The following PAPPA2 variants were observed in gnomAD, a reference collection of about 807,000 sequenced individuals.
PAPPA2 encodes pappalysin-2.
Under a neutral mutation model 176.4 loss-of-function variants are expected in PAPPA2, and 86 were observed. The ratio of observed to expected loss-of-function variants is 0.49; its 90% CI spans 0.41 to 0.58. The LOEUF is 0.58. Among genes scored for constraint, PAPPA2 ranks in the 20% least tolerant of loss-of-function variants. The pLI, the probability that PAPPA2 is intolerant of heterozygous loss-of-function variation, is 0.00. For missense variants in PAPPA2, 2,073 were observed against 2,256.9 expected, an observed-to-expected ratio of 0.92 and a Z score of 1.65; for synonymous variants, 809 against 852.2, an observed-to-expected ratio of 0.95 and a Z score of 0.88.
chr1:176,643,959 G>A (rs1208141892), intron 3 of PAPPA2, among the ~76,000 whole-genome samples: 7 of 151,880 alleles, frequency 4.6e-5, no homozygotes, highest in Non-Finnish European at 1.0e-4. Context: ...GGGACAGCCA[G>A]ATGGTGGGAG....
At chr1:176,467,085 A>G (rs1651660275) in intron 1 of PAPPA2, among the ~76,000 whole-genome samples, 1 of 152,202 alleles carries the variant, frequency 6.6e-6, no homozygotes, top group Non-Finnish European at 1.5e-5. Context: ...CCTACACTGT[A>G]TAGTCTACTA....
chr1:176,672,560 G>A (rs1284330592), intron 4 of PAPPA2, among the ~76,000 whole-genome samples: 8 of 151,830 alleles, frequency 5.3e-5, no homozygotes, highest in East Asian at 3.9e-4. Context: ...GATGAGCAAT[G>A]TGTTAGCGAT....
chr1:176,577,892 G>GT (rs996042164), intron 2 of PAPPA2, among the ~76,000 whole-genome samples: 6 of 152,004 alleles, frequency 3.9e-5, no homozygotes, highest in South Asian at 2.1e-4. Flanking sequence ...CACACAGCAT[G>GT]TTTTTTTAGT....
intron 2 of PAPPA2, among the ~76,000 whole-genome samples, chr1:176,585,535 A>G (rs2102635590): frequency 6.6e-6 from 1 of 152,252 alleles, no homozygotes; most frequent in Non-Finnish European, 1.5e-5. Flanking sequence ...TTTCTAAGAC[A>G]TGAGAAGTTT....
intron 3 of PAPPA2, among the ~76,000 whole-genome samples, chr1:176,629,026 A>G (rs1174763265): frequency 6.6e-6 from 1 of 152,128 alleles, no homozygotes; most frequent in African/African-American, 2.4e-5. Context: ...TCTGACCCCC[A>G]TCTGTTGTGG....
chr1:176,788,910 C>G (rs892087066), intron 17 of PAPPA2, among the ~76,000 whole-genome samples: 2 of 152,140 alleles, frequency 1.3e-5, no homozygotes, highest in African/African-American at 4.8e-5. Flanking sequence ...GCACTTTCTC[C>G]CCTCTCTGAA....
At chr1:176,747,664 A>C (rs1662971628) in intron 14 of PAPPA2, among the ~76,000 whole-genome samples, 1 of 152,200 alleles carries the variant, frequency 6.6e-6, no homozygotes, top group Non-Finnish European at 1.5e-5. Context: ...TTGTATAATA[A>C]TATTACTATA....
At chr1:176,763,797 T>G (rs1310217837) in intron 14 of PAPPA2, among the ~76,000 whole-genome samples, 1 of 152,204 alleles carries the variant, frequency 6.6e-6, no homozygotes, top group Non-Finnish European at 1.5e-5. Context: ...TTTTTTAAAT[T>G]TCACTGGGAA....
Position 176,789,953 on chromosome 1 carries a change from C to T in PAPPA2, c.4860C>T (p.Leu1620=). 1.2e-6 allele frequency: 2 copies of T among 1,614,050 alleles called. No homozygotes were observed. Among genetic ancestry groups the T allele is most frequent in the Non-Finnish European group, 1.7e-6 (2 of 1,179,990 alleles). The part of the protein sequence containing the change: ...NGFSLDSQCV[L]NCNQEREKLP... ...TCAGCCTGGACAGCCAGTGTGTGCT[C>T]AACTGTAACCAGGAACGTGAAAAGG... Residue 1620 remains leucine, a synonymous_variant, in exon 18 of 23, where the codon CTC becomes CTT. Coordinates refer to ENST00000367662, the MANE Select transcript of PAPPA2 (RefSeq NM_020318.3).
chr1:176,533,739 A>T (rs540145662), intron 1 of PAPPA2, among the ~76,000 whole-genome samples: 5 of 152,200 alleles, frequency 3.3e-5, no homozygotes, highest in African/African-American at 1.2e-4. Flanking sequence ...ATTCTAATTC[A>T]GTGGAATGGC....
intron 12 of PAPPA2, among the ~76,000 whole-genome samples, chr1:176,731,873 C>A (rs1004500711): frequency 2.0e-5 from 3 of 151,896 alleles, no homozygotes; most frequent in African/African-American, 7.3e-5. Context: ...TTTAGATAAA[C>A]AATGAATTTT....
intron 1 of PAPPA2, among the ~76,000 whole-genome samples, chr1:176,475,336 G>A (rs139775448): frequency 1.3e-5 from 2 of 152,320 alleles, no homozygotes; most frequent in East Asian, 1.9e-4. Context: ...ATAAACAAAA[G>A]CCTAGCATAG....
At chr1:176,617,027 A>G (rs746136059) in intron 3 of PAPPA2, among the ~76,000 whole-genome samples, 24 of 152,308 alleles carry the variant, frequency 1.6e-4, no homozygotes, top group Non-Finnish European at 3.2e-4. Context: ...GGTTTACCCC[A>G]TCCAGGTCAG....
chr1:176,619,030 G>T (rs910755582), intron 3 of PAPPA2, among the ~76,000 whole-genome samples: 3 of 152,276 alleles, frequency 2.0e-5, no homozygotes, highest in African/African-American at 7.2e-5. Flanking sequence ...ACACCACTGA[G>T]AGTCGAAGGG....
chr1:176,840,001 T>G (rs1667424032), intron 21 of PAPPA2, among the ~76,000 whole-genome samples, 172 bp from the exon 22 acceptor site: 1 of 152,290 alleles, frequency 6.6e-6, no homozygotes, highest in South Asian at 2.1e-4. Flanking sequence ...CTAGTGGTCT[T>G]GAGATTTTTT....
chr1:176,695,677 T>C lies in PAPPA2; in HGVS notation c.2625-61T>C, dbSNP rs1660340781. ...CCACACAAAGGTCTTTCTAATTTTC[T>C]TATCCCAACTCATCTGATGGACTCT... is the stretch of plus-strand genomic sequence containing the variant. On this transcript the variant is annotated intron_variant, in intron 6 of 22. Transcript: ENST00000367662. 1.7e-5 allele frequency: 27 copies of C among 1,581,138 alleles called. No homozygotes were observed. In the South Asian group the frequency reaches 2.6e-4, roughly 15 times the overall value.
intron 21 of PAPPA2, among the ~76,000 whole-genome samples, chr1:176,825,358 T>C (rs1666817439): frequency 6.6e-6 from 1 of 152,246 alleles, no homozygotes; most frequent in Non-Finnish European, 1.5e-5. Context: ...CCCCGAGTAG[T>C]TGTCTTCCAA....
At chr1:176,585,893 G>A (rs531163048) in intron 2 of PAPPA2, among the ~76,000 whole-genome samples, 1 of 151,698 alleles carries the variant, frequency 6.6e-6, no homozygotes, top group East Asian at 1.9e-4. Context: ...TTTTTATTTT[G>A]TTTAACCATC....
At chr1:176,595,902 C>T (rs1222309936) in intron 3 of PAPPA2, among the ~76,000 whole-genome samples, 3 of 152,194 alleles carry the variant, frequency 2.0e-5, no homozygotes, top group Non-Finnish European at 2.9e-5. Flanking sequence ...AGCTGAACAA[C>T]TTACTCTACC....
Sources: allele counts gnomAD v4.1 joint callset (sites outside exome capture counted in the v4.1 genomes callset), GRCh38; gene constraint gnomAD v4.1.1; transcripts MANE v1.5; gene names NCBI Gene and HGNC (gene_info 2026-07-23, HGNC 2026-07-21).